The following C6 variants were observed in gnomAD, a reference collection of about 807,000 sequenced individuals.
C6 encodes the protein complement component C6.
C6 carries 101 observed loss-of-function variants against 112.9 expected under a neutral mutation model. The observed-to-expected ratio is 0.89, with a 90% confidence interval of 0.76 to 1.06. The LOEUF (loss-of-function observed/expected upper bound fraction) is 1.06. C6 is among the 50% of genes least tolerant of loss of function. The pLI is 0.00. For synonymous variants in C6, 431 were observed against 384.1 expected, an observed-to-expected ratio of 1.12 and a Z score of -1.43; for missense variants, 1,202 against 1,104.6, an observed-to-expected ratio of 1.09 and a Z score of -1.25.
In C6 at chr5:41,208,143, C is replaced by G. The variant is rs377346256; in HGVS notation, c.-20-4893G>C. Among the ~76,000 whole-genome samples, 71 of 152,126 alleles carry G rather than the reference C, an allele frequency of 4.7e-4. 1 individual carries two copies. The highest frequency in any genetic ancestry group is 3.4e-3 in the Middle Eastern group (1 of 294). ...CTACTGGGTACATAACGAAATGAAG[C>G]CAGAAATAAAGATGTTCTTTGAAAC... On this transcript the variant is annotated intron_variant, in intron 1 of 17. Coordinates refer to ENST00000337836, the MANE Select transcript of C6 (RefSeq NM_000065.5).
At position 41,181,551 on chromosome 5, in the gene C6, A is replaced by T. The variant is rs1660897891; in HGVS notation, c.735T>A (p.Thr245=). Residue 245 remains threonine (T), a synonymous_variant, in exon 7 of 18, where the codon ACT becomes ACA. Transcript: ENST00000337836. ...NLENVGFEVQ[T]AEDDLKTDFY... is the part of the protein sequence containing the mutation. The stretch of plus-strand genomic sequence containing the variant: ...AATCTGTTTTCAAGTCATCTTCTGC[A>T]GTTTGTACCTGGAGAAAAATCCATG... The T allele has an allele frequency of 6.2e-7, 1 of 1,612,592 alleles. No individual in the cohort carries two copies. Among genetic ancestry groups the T allele is most frequent in the African/African-American group, 1.3e-5 (1 of 74,908 alleles).
At chr5:41,218,855 A>C (rs1738991220) in intron 1 of C6, among the ~76,000 whole-genome samples, 1 of 152,164 alleles carries the variant, frequency 6.6e-6, no homozygotes, top group Non-Finnish European at 1.5e-5. Context: ...ACATGTGAGA[A>C]CATGTGGCCT....
At chr5:41,250,407 C>A (rs1741277722) in intron 1 of C6, among the ~76,000 whole-genome samples, 1 of 152,120 alleles carries the variant, frequency 6.6e-6, no homozygotes, top group African/African-American at 2.4e-5. Context: ...TGATTCCACT[C>A]CACAAATGTC....
Position 41,147,804 on chromosome 5 carries a change from C to T in C6, c.2623+1437G>A, listed in dbSNP as rs113579088. Among the ~76,000 whole-genome samples, 763 of 152,244 alleles carry T rather than the reference C, an allele frequency of 5.0e-3. 4 individuals carry two copies. Among genetic ancestry groups the T allele is most frequent in the Non-Finnish European group, 6.2e-3 (423 of 68,030 alleles). ...TTAGTTGGGCTATTTCAGGGTCAAA[C>T]TTCATCTTGGAGCAAATGTACTGCT... On this transcript the variant is annotated intron_variant, in intron 17 of 17. Transcript: ENST00000337836.
At chr5:41,192,878 G>A (rs1028286996) in intron 5 of C6, among the ~76,000 whole-genome samples, 1 of 152,086 alleles carries the variant, frequency 6.6e-6, no homozygotes, top group Non-Finnish European at 1.5e-5. Context: ...AGGTAGAAGG[G>A]GGAAAGAAAT....
chr5:41,219,416 G>C (rs1739028525), intron 1 of C6, among the ~76,000 whole-genome samples: 1 of 152,076 alleles, frequency 6.6e-6, no homozygotes, highest in South Asian at 2.1e-4. Flanking sequence ...GCTGTATTGA[G>C]CGCCCTTTGT....
At chr5:41,145,140 G>A (rs1020804414) in intron 17 of C6, among the ~76,000 whole-genome samples, 1 of 152,180 alleles carries the variant, frequency 6.6e-6, no homozygotes, top group Non-Finnish European at 1.5e-5. Flanking sequence ...TATGTTTTAA[G>A]TCCTTCAAGG....
At chr5:41,219,882 A>T (rs566007891) in intron 1 of C6, among the ~76,000 whole-genome samples, 4 of 152,198 alleles carry the variant, frequency 2.6e-5, no homozygotes, top group African/African-American at 9.6e-5. Flanking sequence ...TCCCATTAAC[A>T]TCACATGCTC....
intron 1 of C6, among the ~76,000 whole-genome samples, chr5:41,233,995 T>C (rs1301069872): frequency 6.6e-6 from 1 of 152,102 alleles, no homozygotes; most frequent in Non-Finnish European, 1.5e-5. Flanking sequence ...ATCTCTAATA[T>C]TAAAATAAAA....
chr5:41,200,673 G>A (rs1249972351), intron 3 of C6, among the ~76,000 whole-genome samples: 2 of 152,126 alleles, frequency 1.3e-5, no homozygotes, highest in East Asian at 3.9e-4. Flanking sequence ...TGCTCAACAC[G>A]GCCCTAACTG....
chr5:41,206,536 C>T (rs1276355138), intron 1 of C6, among the ~76,000 whole-genome samples: 1 of 152,120 alleles, frequency 6.6e-6, no homozygotes, highest in East Asian at 1.9e-4. Flanking sequence ...CTTAAATGAC[C>T]TGATGGAGCT....
intron 1 of C6, among the ~76,000 whole-genome samples, chr5:41,209,339 C>A (rs969538858): frequency 2.6e-5 from 4 of 152,180 alleles, no homozygotes; most frequent in Non-Finnish European, 5.9e-5. Flanking sequence ...TTCACCACCC[C>A]TATTCAACAT....
chr5:41,195,748 T>C, intron 5 of C6, 44 bp downstream of exon 5: 1 of 1,602,232 alleles, frequency 6.2e-7, no homozygotes. Flanking sequence ...ACTCATTTGT[T>C]CTGATACCTG....
At chr5:41,176,179 G>A (rs1030779932) in intron 8 of C6, among the ~76,000 whole-genome samples, 6 of 152,126 alleles carry the variant, frequency 3.9e-5, no homozygotes, top group Non-Finnish European at 1.5e-5. Context: ...TCCTCTTTGG[G>A]TAACCACTAC....
In C6 at chr5:41,198,749, T is replaced by C. The variant is rs6885714; in HGVS notation, c.445+1019A>G. Among the ~76,000 whole-genome samples, 722 of 152,316 alleles carry C rather than the reference T, an allele frequency of 4.7e-3. 6 individuals are homozygous for C. The highest frequency in any genetic ancestry group is 0.016 in the African/African-American group (663 of 41,590). On this transcript the variant is annotated intron_variant, in intron 4 of 17. Coordinates refer to ENST00000337836, the MANE Select transcript of C6 (RefSeq NM_000065.5). Reference sequence around the variant, plus strand: ...AATGCAGATCCTTTGTAATTTTTCATAGATTTATCATCTACTGAATAAGAG... The same window carrying C: ...AATGCAGATCCTTTGTAATTTTTCACAGATTTATCATCTACTGAATAAGAG...
intron 1 of C6, among the ~76,000 whole-genome samples, chr5:41,227,738 A>G (rs772086563): frequency 3.3e-5 from 5 of 152,040 alleles, no homozygotes; most frequent in Non-Finnish European, 7.4e-5. Flanking sequence ...GTCCTTCCCC[A>G]TTGTGTGATC....
chr5:41,151,118 C>T (rs1003247519), intron 15 of C6, among the ~76,000 whole-genome samples: 34 of 151,690 alleles, frequency 2.2e-4, no homozygotes, highest in African/African-American at 7.3e-4. Context: ...AATCAGCCCT[C>T]GATTTTGAAA....
chr5:41,258,652 T>C (rs879298793), intron 1 of C6, among the ~76,000 whole-genome samples: 1 of 152,216 alleles, frequency 6.6e-6, no homozygotes, highest in Admixed American at 6.5e-5. Context: ...CTATACGTAC[T>C]GTATTAGCCC....
chr5:41,258,261 G>A (rs1019228236), intron 1 of C6, among the ~76,000 whole-genome samples: 21 of 152,140 alleles, frequency 1.4e-4, no homozygotes, highest in African/African-American at 2.7e-4. Context: ...ATTCAAAGGT[G>A]ACTTGTGAAG....
Sources: gnomAD v4.1 joint callset for allele counts (sites outside exome capture counted in the v4.1 genomes callset) on GRCh38, gnomAD v4.1.1 for gene constraint, MANE v1.5 for transcripts, NCBI Gene and HGNC (gene_info 2026-07-23, HGNC 2026-07-21) for gene names.